The following DUT variants were observed in gnomAD, a reference collection of about 807,000 sequenced individuals.
The protein encoded by DUT is deoxyuridine 5'-triphosphate nucleotidohydrolase, mitochondrial.
Under a neutral mutation model 28.8 loss-of-function variants are expected in DUT, and 21 were observed. The ratio of observed to expected loss-of-function variants is 0.73; its 90% CI spans 0.52 to 1.05. The LOEUF is 1.05. DUT is among the 50% of genes least tolerant of loss of function. DUT has a pLI of 0.00. For missense variants in DUT, 344 were observed against 351.8 expected (o/e 0.98, Z 0.18); for synonymous variants, 147 against 143.7 (o/e 1.02, Z -0.17).
rs1325008992 is a variant in DUT at position 48,342,754 on chromosome 15, T to C, written c.*676T>C. The C allele has an allele frequency of 6.6e-6, 1 of 152,350 alleles. No homozygotes were observed. The highest frequency in any genetic ancestry group is 1.9e-4 in the East Asian group (1 of 5,192). 9.4% of individuals were successfully genotyped at this position (152,350 alleles called of 1,614,324 possible). On this transcript the variant is annotated 3_prime_UTR_variant, in exon 7 of 7. Coordinates refer to ENST00000331200, the MANE Select transcript of DUT (RefSeq NM_001025248.2). ...CATGTAACTTGGGGATTTGTTACTT[T>C]AGGTTTGTTCCCTTGAATTTCATCT...
intron 3 of DUT, 60 bp downstream of exon 3, chr15:48,334,568 A>T: frequency 7.6e-7 from 1 of 1,308,564 alleles, no homozygotes; most frequent in South Asian, 1.2e-5. Context: ...TAGATTCTTC[A>T]TGTTTCATTT....
At position 48,332,186 on chromosome 15, in the gene DUT, CG is replaced by C. The variant is rs2042422622; in HGVS notation, c.281-80del. On this transcript the variant is annotated intron_variant, in intron 1 of 6. Coordinates refer to ENST00000331200, the MANE Select transcript of DUT (RefSeq NM_001025248.2). ...AATTTCGGTTTTGGCGCGCTCCCTG[CG>C]GCGACGCTCATCGTGCGCTCTCCTC... The C allele has an allele frequency of 2.0e-6, 3 of 1,489,376 alleles. No individual in the cohort carries two copies. In the African/African-American group the frequency reaches 4.4e-5, roughly 22 times the overall value. The allele number at this position is 1,489,376 out of a possible 1,614,324, so 92.3% of individuals were successfully genotyped here. A position where few individuals can be genotyped will look rare whatever the true frequency, so the allele number is the denominator to read the frequency against.
intron 3 of DUT, 145 bp from the exon 4 acceptor site, chr15:48,335,901 T>C (rs1467795056): frequency 1.5e-6 from 1 of 653,148 alleles, no homozygotes; most frequent in African/African-American, 1.9e-5. Context: ...GAATATATAT[T>C]CTTTAATTCA....
Position 48,342,021 on chromosome 15 carries a change from G to T in DUT, c.703-1G>T. 6.4e-7 allele frequency: 1 copy of T among 1,572,960 alleles called. No homozygotes were observed. Among genetic ancestry groups the T allele is most frequent in the Non-Finnish European group, 8.6e-7 (1 of 1,165,510 alleles). On this transcript the variant is annotated splice_acceptor_variant, in intron 6 of 6. Transcript: ENST00000331200. LOFTEE classifies it high-confidence loss of function. ...AAGCTTACTACCTTTCTATCTTTCA[G>T]GCCTTGGATGACACCGAAAGGGGTT...
At position 48,342,700 on chromosome 15, in the gene DUT, T is replaced by C. The variant is rs2042552958; in HGVS notation, c.*622T>C. 6.6e-6 allele frequency: 1 copy of C among 152,230 alleles called. No homozygotes were observed. The highest frequency in any genetic ancestry group is 2.1e-4 in the South Asian group (1 of 4,836). The allele number at this position is 152,230 out of a possible 1,614,324, so 9.4% of individuals were successfully genotyped here. On this transcript the variant is annotated 3_prime_UTR_variant, in exon 7 of 7. Transcript: ENST00000331200. ...ATCTTTCTTTTGATAAATCCTCTAT[T>C]GACTGGGTAGAGGTATGTTTGTGAA...
intron 3 of DUT, among the ~76,000 whole-genome samples, chr15:48,335,421 A>G (rs182041375): frequency 1.3e-5 from 2 of 152,174 alleles, no homozygotes; most frequent in African/African-American, 4.8e-5. Flanking sequence ...AGTTTTTGGC[A>G]TTTTTACTTA....
intron 3 of DUT, 22 bp from the exon 4 acceptor site, chr15:48,336,024 T>G: frequency 1.9e-6 from 3 of 1,602,112 alleles, no homozygotes; most frequent in Non-Finnish European, 2.6e-6. Context: ...AAATAACCAA[T>G]GTCTCCTTTT....
Position 48,331,589 on chromosome 15 carries a change from A to G in DUT, c.74A>G (p.Asn25Ser). 6.9e-6 allele frequency: 11 copies of G among 1,587,002 alleles called. No individual in the cohort carries two copies. The highest frequency in any genetic ancestry group is 9.4e-6 in the Non-Finnish European group (11 of 1,168,388). The change falls in exon 1 of 7, where the codon AAC becomes AGC. Residue 25 changes from asparagine (N) to serine (S), a missense_variant. Transcript: ENST00000331200. The stretch of plus-strand genomic sequence containing the variant: ...TCTCTGCTTCGCTCAGCGATGCAAA[A>G]CGCGCGAGGCGCACGGCAGAGGGCC... ...LTSLLRSAMQ[N>S]ARGARQRAEA...
rs1029031952 is a variant in DUT, at chr15:48,342,586, C to T, written c.*508C>T. The T allele has an allele frequency of 6.6e-6, 1 of 152,158 alleles. No individual in the cohort carries two copies. Among genetic ancestry groups the T allele is most frequent in the African/African-American group, 2.4e-5 (1 of 41,434 alleles). 9.4% of individuals were successfully genotyped at this position (152,158 alleles called of 1,614,324 possible). On this transcript the variant is annotated 3_prime_UTR_variant, in exon 7 of 7. Coordinates refer to ENST00000331200, the MANE Select transcript of DUT (RefSeq NM_001025248.2). ...AAGGTATTCCTTGTTCTTCCCTTCTCTTCACTAGTCTAAAAACTTCTTTTT... is the reference window on the plus strand; with the variant it reads ...AAGGTATTCCTTGTTCTTCCCTTCTTTTCACTAGTCTAAAAACTTCTTTTT...
intron 1 of DUT, 178 bp downstream of exon 1, chr15:48,331,973 G>A (rs2042418011): frequency 1.1e-5 from 10 of 871,046 alleles, no homozygotes; most frequent in Non-Finnish European, 1.5e-5. Context: ...CGACGCCCTA[G>A]AAGCTCCCCT....
At chr15:48,331,950 T>A in intron 1 of DUT, 155 bp downstream of exon 1, 1 of 909,516 alleles carries the variant, frequency 1.1e-6, no homozygotes, top group Non-Finnish European at 1.5e-6. Flanking sequence ...GGCGGCTTTC[T>A]AGTGTGTGAG....
At chr15:48,332,782 C>A in intron 2 of DUT, 1 of 492,122 alleles carries the variant, frequency 2.0e-6, no homozygotes, top group South Asian at 1.5e-5. Flanking sequence ...GAAGGATGAA[C>A]GAAGATGCAT....
At position 48,336,096 on chromosome 15, in the gene DUT, A is replaced by G. The variant is rs1476178623; in HGVS notation, c.556+6A>G. 6.3e-7 allele frequency: 1 copy of G among 1,590,704 alleles called. No homozygotes were observed. The highest frequency in any genetic ancestry group is 1.9e-5 in the Admixed American group (1 of 53,268). ...ACACTTTATTGATGTAGGAGGTAAT[A>G]TATTTCCTTTTTTATTCTGTAAATG... On this transcript the variant is annotated splice_donor_region_variant and intron_variant, in intron 4 of 6. Coordinates refer to ENST00000331200, the MANE Select transcript of DUT (RefSeq NM_001025248.2).
chr15:48,332,387 G>A lies in DUT; in HGVS notation c.400G>A (p.Ala134Thr). The A allele has an allele frequency of 6.3e-7, 1 of 1,579,660 alleles. No individual in the cohort carries two copies. The highest frequency in any genetic ancestry group is 8.6e-7 in the Non-Finnish European group (1 of 1,165,886). The change falls in exon 2 of 7, where the codon GCG (alanine) becomes ACG (threonine). Residue 134 changes from alanine (A) to threonine (T), a missense_variant. Transcript: ENST00000331200. ...TAPTRGSARA[A>T]GYDLYSAYDY... ...CCCCACCCGGGGCTCCGCGCGCGCC[G>A]CGGGCTACGACCTGTACAGGTGAGC...
At chr15:48,338,219 T>C (rs1178472401) in intron 4 of DUT, among the ~76,000 whole-genome samples, 1 of 152,134 alleles carries the variant, frequency 6.6e-6, no homozygotes, top group Non-Finnish European at 1.5e-5. Flanking sequence ...GAGGGCCTTT[T>C]TTTCTGCCAT....
At chr15:48,335,529 G>C (rs1022746904) in intron 3 of DUT, among the ~76,000 whole-genome samples, 1 of 152,068 alleles carries the variant, frequency 6.6e-6, no homozygotes, top group Admixed American at 6.6e-5. Flanking sequence ...CAAGTTGTAG[G>C]CTATGGTCTG....
At chr15:48,340,400 T>C (rs547546680) in intron 4 of DUT, among the ~76,000 whole-genome samples, 1 of 152,194 alleles carries the variant, frequency 6.6e-6, no homozygotes, top group African/African-American at 2.4e-5. Flanking sequence ...CTATGAACTG[T>C]GGAATTGTAA....
chr15:48,331,861 G>C (rs1187891858), intron 1 of DUT, 66 bp downstream of exon 1: 5 of 908,564 alleles, frequency 5.5e-6, no homozygotes, highest in Non-Finnish European at 7.0e-6. Context: ...GGCTGTGGGG[G>C]AAGTAGGGTG....
At chr15:48,336,193 G>T (rs7178868) in intron 4 of DUT, 103 bp downstream of exon 4, 9,966 of 985,774 alleles carry the variant, frequency 0.01, 228 homozygotes, top group African/African-American at 0.07. Context: ...AAAAGAAAAT[G>T]ATTAGAGGAA....
Sources: gnomAD v4.1 joint callset for allele counts (sites outside exome capture counted in the v4.1 genomes callset) on GRCh38, gnomAD v4.1.1 for gene constraint, MANE v1.5 for transcripts, NCBI Gene and HGNC (gene_info 2026-07-23, HGNC 2026-07-21) for gene names.